TMEM163: variants seen among roughly 807,000 people sequenced by gnomAD.
TMEM163 encodes the protein transmembrane protein 163.
In TMEM163, 17 loss-of-function variants were observed where a neutral mutation model predicts 29.3. The observed-to-expected ratio is 0.58, with a 90% CI of 0.40 to 0.87. The LOEUF is 0.87. Among genes scored for constraint, TMEM163 ranks in the 40% least tolerant of loss-of-function variants. The probability of loss-of-function intolerance (pLI) is 0.00; values close to 1 mark genes in which losing one functional copy is unlikely to be tolerated. For missense variants in TMEM163, 303 were observed against 381.5 expected, an observed-to-expected ratio of 0.79 and a Z score of 1.71; for synonymous variants, 157 against 160.6, an observed-to-expected ratio of 0.98 and a Z score of 0.17.
At chr2:134,697,184 C>A (rs569189695) in intron 2 of TMEM163, among the ~76,000 whole-genome samples, 1 of 152,048 alleles carries the variant, frequency 6.6e-6, no homozygotes, top group South Asian at 2.1e-4. Flanking sequence ...TACTTTTTTC[C>A]TCCCCAATCC....
At chr2:134,714,958 C>A (rs951552884) in intron 1 of TMEM163, among the ~76,000 whole-genome samples, 1 of 152,140 alleles carries the variant, frequency 6.6e-6, no homozygotes, top group East Asian at 1.9e-4. Context: ...GCAGATTCCA[C>A]GCACCCTTAA....
intron 2 of TMEM163, among the ~76,000 whole-genome samples, chr2:134,710,072 C>T (rs1034962873): frequency 2.0e-5 from 3 of 152,188 alleles, no homozygotes; most frequent in Admixed American, 6.5e-5. Context: ...AATCAATATA[C>T]ATCTTACAAA....
chr2:134,521,510 G>C (rs911071217), intron 4 of TMEM163, among the ~76,000 whole-genome samples: 15 of 152,146 alleles, frequency 9.9e-5, no homozygotes, highest in Admixed American at 5.2e-4. Context: ...AGAATTATCT[G>C]GTCCAAAATG....
At chr2:134,637,140 G>A (rs1458838622) in intron 2 of TMEM163, among the ~76,000 whole-genome samples, 2 of 152,322 alleles carry the variant, frequency 1.3e-5, no homozygotes, top group East Asian at 3.9e-4. Flanking sequence ...AGCAGGCAAG[G>A]TGAATTGTTG....
chr2:134,673,555 A>G lies in TMEM163; in HGVS notation c.322+39645T>C, dbSNP rs149451069. 2.1e-3 allele frequency among the ~76,000 whole-genome samples: 314 copies of G among 152,340 alleles called. 1 individual carries two copies. Among genetic ancestry groups the G allele is most frequent in the African/African-American group, 7.0e-3 (290 of 41,568 alleles). On this transcript the variant is annotated intron_variant, in intron 2 of 7. Transcript: ENST00000281924. ...AGAACTTTGCAGGTTTGATTAAGCT[A>G]AGGATCCTGAGATGACGAGATTAGC...
intron 4 of TMEM163, among the ~76,000 whole-genome samples, chr2:134,520,064 G>GA (rs1326697952): frequency 6.6e-6 from 1 of 152,106 alleles, no homozygotes; most frequent in East Asian, 1.9e-4. Context: ...CGTGGAGGAA[G>GA]AAAACCTCAT....
At chr2:134,713,940 C>G (rs1396158960) in intron 1 of TMEM163, among the ~76,000 whole-genome samples, 1 of 152,186 alleles carries the variant, frequency 6.6e-6, no homozygotes, top group Non-Finnish European at 1.5e-5. Flanking sequence ...CTATAGTATA[C>G]ACATCCTTTT....
intron 2 of TMEM163, among the ~76,000 whole-genome samples, chr2:134,698,059 T>C (rs1462030391): frequency 1.3e-5 from 2 of 152,220 alleles, no homozygotes; most frequent in Non-Finnish European, 1.5e-5. Context: ...TTCTCAACCA[T>C]GGGCACCACT....
intron 2 of TMEM163, among the ~76,000 whole-genome samples, chr2:134,622,900 T>C (rs906952681): frequency 6.6e-6 from 1 of 152,062 alleles, no homozygotes; most frequent in Non-Finnish European, 1.5e-5. Flanking sequence ...GTTGCTGGGA[T>C]TACAGGCGTC....
At chr2:134,576,165 G>A (rs1681550279) in intron 2 of TMEM163, among the ~76,000 whole-genome samples, 1 of 152,152 alleles carries the variant, frequency 6.6e-6, no homozygotes, top group South Asian at 2.1e-4. Context: ...TGAGACCAGG[G>A]GATACAGAGG....
chr2:134,592,312 T>A (rs1681954480), intron 2 of TMEM163, among the ~76,000 whole-genome samples: 1 of 152,162 alleles, frequency 6.6e-6, no homozygotes, highest in Non-Finnish European at 1.5e-5. Context: ...CTCTCCTAGA[T>A]CCATGAAAAG....
intron 1 of TMEM163, among the ~76,000 whole-genome samples, chr2:134,715,167 T>C (rs1307837081): frequency 1.3e-5 from 2 of 152,218 alleles, no homozygotes; most frequent in Admixed American, 6.5e-5. Context: ...TAGATTTCAT[T>C]TTCTAAGAGG....
intron 2 of TMEM163, among the ~76,000 whole-genome samples, chr2:134,709,485 A>T (rs1226386463): frequency 6.6e-6 from 1 of 152,248 alleles, no homozygotes; most frequent in Non-Finnish European, 1.5e-5. Context: ...TACATATGTG[A>T]TCTATAACAA....
intron 2 of TMEM163, among the ~76,000 whole-genome samples, chr2:134,684,177 C>A (rs1359754847): frequency 1.3e-5 from 2 of 152,156 alleles, no homozygotes. Flanking sequence ...ACAAACAGCT[C>A]TTGGTCTTTG....
At chr2:134,649,839 A>T (rs6739706) in intron 2 of TMEM163, among the ~76,000 whole-genome samples, 1 of 151,108 alleles carries the variant, frequency 6.6e-6, no homozygotes, top group Non-Finnish European at 1.5e-5. Context: ...TGTAGTGAAC[A>T]CTTGCCTCTA....
intron 7 of TMEM163, among the ~76,000 whole-genome samples, chr2:134,456,989 C>T (rs142761925): frequency 4.8e-4 from 73 of 152,164 alleles, no homozygotes; most frequent in African/African-American, 1.3e-3. Flanking sequence ...CCACGCCTGA[C>T]GAGAAGTACC....
At chr2:134,681,513 C>T (rs1303029025) in intron 2 of TMEM163, among the ~76,000 whole-genome samples, 1 of 152,080 alleles carries the variant, frequency 6.6e-6, no homozygotes, top group African/African-American at 2.4e-5. Flanking sequence ...CTCTCTACCC[C>T]CCACTCTTTC....
intron 2 of TMEM163, among the ~76,000 whole-genome samples, chr2:134,613,386 T>A (rs772655885): frequency 1.3e-5 from 2 of 152,062 alleles, no homozygotes; most frequent in Non-Finnish European, 2.9e-5. Flanking sequence ...GGAAAAGAAT[T>A]CATCTAGAAA....
At chr2:134,565,287 A>G (rs1681274989) in intron 2 of TMEM163, among the ~76,000 whole-genome samples, 1 of 151,610 alleles carries the variant, frequency 6.6e-6, no homozygotes, top group Admixed American at 6.6e-5. Context: ...CAGCTATTCC[A>G]TCCCTAGATA....
Sources: allele counts gnomAD v4.1 joint callset (sites outside exome capture counted in the v4.1 genomes callset), GRCh38; gene constraint gnomAD v4.1.1; transcripts MANE v1.5; gene names NCBI Gene and HGNC (gene_info 2026-07-23, HGNC 2026-07-21).